PDE4D: variants seen among roughly 807,000 people sequenced by gnomAD.
The protein encoded by PDE4D is phosphodiesterase 4D, also known as 3',5'-cyclic-AMP phosphodiesterase 4D.
PDE4D carries 24 observed loss-of-function variants against 87.4 expected under a neutral mutation model. The observed-to-expected ratio is 0.27, with a 90% CI of 0.20 to 0.39. PDE4D has a LOEUF of 0.39. Among genes scored for constraint, PDE4D ranks in the 10% least tolerant of loss-of-function variants. The probability of loss-of-function intolerance (pLI) is 1.00; values close to 1 mark genes in which losing one functional copy is unlikely to be tolerated. For synonymous variants in PDE4D, 384 were observed against 383.2 expected (o/e 1.00, Z -0.02); for missense variants, 714 against 1,041.0 (o/e 0.69, Z 4.32).
At chr5:59,749,653 G>T (rs1760138487) in intron 1 of PDE4D, among the ~76,000 whole-genome samples, 1 of 152,034 alleles carries the variant, frequency 6.6e-6, no homozygotes, top group Non-Finnish European at 1.5e-5. Flanking sequence ...TCATTTTCCT[G>T]ATTTCTAGAT....
At chr5:59,095,117 C>T (rs953558044) in intron 5 of PDE4D, among the ~76,000 whole-genome samples, 1 of 151,900 alleles carries the variant, frequency 6.6e-6, no homozygotes, top group Admixed American at 6.6e-5. Flanking sequence ...TTTGCTCAGA[C>T]TTTGTATACT....
chr5:59,898,834 G>A (rs1180057665), intron 3 of PDE4D, among the ~76,000 whole-genome samples: 2 of 152,146 alleles, frequency 1.3e-5, no homozygotes, highest in African/African-American at 2.4e-5. Flanking sequence ...CCCCTTCTGA[G>A]TGGAGCAGGT....
intron 1 of PDE4D, among the ~76,000 whole-genome samples, chr5:59,535,116 T>A (rs547609923): frequency 1.1e-4 from 17 of 150,918 alleles, no homozygotes; most frequent in Non-Finnish European, 2.4e-4. Context: ...CTGATTCAAA[T>A]CATTTTTTTC....
chr5:59,243,736 A>C (rs1169058801), intron 1 of PDE4D, among the ~76,000 whole-genome samples: 5 of 152,076 alleles, frequency 3.3e-5, no homozygotes, highest in Admixed American at 3.3e-4. Flanking sequence ...CTGGAATTAC[A>C]GGCGTGAGCC....
intron 6 of PDE4D, chr5:59,002,073 C>T (rs1750657470): frequency 1.9e-6 from 1 of 516,296 alleles, no homozygotes; most frequent in Non-Finnish European, 3.9e-6. Flanking sequence ...CATTACCCCT[C>T]CCGTAATCTG....
In PDE4D at chr5:59,636,884, G is replaced by A. The variant is rs191332109; in HGVS notation, c.455+256284C>T. 1.5e-3 allele frequency among the ~76,000 whole-genome samples: 224 copies of A among 152,150 alleles called. 1 individual carries two copies. The highest frequency in any genetic ancestry group is 5.3e-3 in the African/African-American group (220 of 41,542). ...CTAAAACACCAAAAGCAATGGCAAC[G>A]AAAGCCAAAATTGACAAATGGGATC... On this transcript the variant is annotated intron_variant, in intron 1 of 14. Transcript: ENST00000340635.
intron 2 of PDE4D, among the ~76,000 whole-genome samples, chr5:60,012,220 C>T (rs545216457): frequency 1.3e-5 from 2 of 152,172 alleles, no homozygotes; most frequent in East Asian, 3.9e-4. Context: ...TTTTAATGGG[C>T]CGAATGAGAA....
At chr5:60,233,966 A>G (rs1448455428) in intron 1 of PDE4D, among the ~76,000 whole-genome samples, 1 of 151,872 alleles carries the variant, frequency 6.6e-6, no homozygotes, top group African/African-American at 2.4e-5. Context: ...CTTTTAAAAA[A>G]CAGTTTTCTT....
chr5:59,954,291 T>C (rs2152806303), intron 3 of PDE4D, among the ~76,000 whole-genome samples: 1 of 152,282 alleles, frequency 6.6e-6, no homozygotes, highest in African/African-American at 2.4e-5. Context: ...TGGCATGGGT[T>C]TGAGAAGAAA....
At chr5:59,143,016 A>AT (rs1778126320) in intron 5 of PDE4D, among the ~76,000 whole-genome samples, 1 of 152,196 alleles carries the variant, frequency 6.6e-6, no homozygotes, top group Non-Finnish European at 1.5e-5. Context: ...CTGTATTTTT[A>AT]TTTTTAAAAA....
At chr5:59,963,445 C>T (rs2152811948) in intron 3 of PDE4D, among the ~76,000 whole-genome samples, 1 of 152,248 alleles carries the variant, frequency 6.6e-6, no homozygotes, top group South Asian at 2.1e-4. Flanking sequence ...CACTCACACT[C>T]CCTGGTCTGC....
chr5:59,228,441 A>AC (rs199917544), intron 1 of PDE4D, among the ~76,000 whole-genome samples: 47 of 55,216 alleles, frequency 8.5e-4, no homozygotes, highest in Non-Finnish European at 1.2e-3. Flanking sequence ...AACAACAACA[A>AC]AAAAAAAAAA....
chr5:59,877,238 T>C (rs903007196), intron 1 of PDE4D, among the ~76,000 whole-genome samples: 2 of 152,076 alleles, frequency 1.3e-5, no homozygotes, highest in African/African-American at 4.8e-5. Context: ...TGGTTGTTTG[T>C]AAGAGGTATA....
chr5:60,090,754 A>G (rs1775038532), intron 2 of PDE4D, among the ~76,000 whole-genome samples: 1 of 152,230 alleles, frequency 6.6e-6, no homozygotes, highest in Non-Finnish European at 1.5e-5. Flanking sequence ...TTCACAGATG[A>G]CATGATCCTA....
intron 2 of PDE4D, among the ~76,000 whole-genome samples, chr5:60,053,661 C>A (rs1262977362): frequency 6.6e-6 from 1 of 152,138 alleles, no homozygotes; most frequent in African/African-American, 2.4e-5. Context: ...ACACCAAAAG[C>A]AATGGCCACA....
intron 5 of PDE4D, among the ~76,000 whole-genome samples, chr5:59,065,198 G>A (rs1388872831): frequency 6.6e-6 from 1 of 151,770 alleles, no homozygotes; most frequent in Non-Finnish European, 1.5e-5. Context: ...GATGGAACTG[G>A]AGGACATCAT....
intron 10 of PDE4D, 137 bp downstream of exon 10, chr5:58,989,618 A>G: frequency 1.8e-6 from 1 of 566,668 alleles, no homozygotes; most frequent in Non-Finnish European, 3.1e-6. Context: ...TAACTATAGC[A>G]TTTTCCCCCA....
At chr5:59,674,719 G>A (rs1356225883) in intron 1 of PDE4D, among the ~76,000 whole-genome samples, 4 of 152,150 alleles carry the variant, frequency 2.6e-5, no homozygotes, top group African/African-American at 7.2e-5. Flanking sequence ...ATCCAAAAGG[G>A]TGGAAATGAG....
At chr5:60,104,558 C>T (rs1776642680) in intron 2 of PDE4D, among the ~76,000 whole-genome samples, 1 of 152,230 alleles carries the variant, frequency 6.6e-6, no homozygotes, top group Admixed American at 6.5e-5. Context: ...AGAGTGCCTC[C>T]TCAAGTGGGT....
Sources: allele counts gnomAD v4.1 joint callset (sites outside exome capture counted in the v4.1 genomes callset), GRCh38; gene constraint gnomAD v4.1.1; transcripts MANE v1.5; gene names NCBI Gene and HGNC (gene_info 2026-07-23, HGNC 2026-07-21).